ROBO1: variants seen among roughly 807,000 people sequenced by gnomAD.
ROBO1 encodes the protein roundabout guidance receptor 1.
ROBO1 carries 149 observed loss-of-function variants against 195.9 expected under a neutral mutation model. That is an observed-to-expected ratio of 0.76 (90% CI 0.67 to 0.87). ROBO1 has a LOEUF of 0.87. Among genes scored for constraint, ROBO1 ranks in the 40% least tolerant of loss-of-function variants. ROBO1 has a pLI of 0.00. For missense variants in ROBO1, 1,933 were observed against 2,068.3 expected, an observed-to-expected ratio of 0.93 and a Z score of 1.27; for synonymous variants, 816 against 733.2, an observed-to-expected ratio of 1.11 and a Z score of -1.82.
chr3:78,758,230 T>C lies in ROBO1; in HGVS notation c.500-11330A>G, dbSNP rs143503178. Among the ~76,000 whole-genome samples, 539 of 152,300 alleles carry C rather than the reference T, an allele frequency of 3.5e-3. 4 individuals carry two copies. Among genetic ancestry groups the C allele is most frequent in the African/African-American group, 0.012 (510 of 41,578 alleles). ...TAATTGTTTTATGTAATTATAAAAT[T>C]CATTCCTCACTGGGGGCAGTGGCTC... On this transcript the variant is annotated intron_variant, in intron 4 of 30. Coordinates refer to ENST00000464233, the MANE Select transcript of ROBO1 (RefSeq NM_002941.4).
intron 4 of ROBO1, among the ~76,000 whole-genome samples, chr3:78,852,876 A>G (rs982451592): frequency 3.3e-5 from 5 of 152,184 alleles, no homozygotes; most frequent in African/African-American, 4.8e-5. Flanking sequence ...GTAGTGATGT[A>G]TTGTGAGCTA....
At chr3:79,304,694 G>A (rs2033139695) in intron 2 of ROBO1, among the ~76,000 whole-genome samples, 1 of 152,078 alleles carries the variant, frequency 6.6e-6, no homozygotes, top group Non-Finnish European at 1.5e-5. Flanking sequence ...TAATGGCTGA[G>A]TATTACTCCA....
chr3:79,575,766 CAT>C (rs1310329486), intron 2 of ROBO1, among the ~76,000 whole-genome samples: 1 of 151,288 alleles, frequency 6.6e-6, no homozygotes, highest in Non-Finnish European at 1.5e-5. Context: ...AGTGTTTTAA[CAT>C]AGTCATCTTG....
chr3:79,137,166 T>C (rs1410519328), intron 2 of ROBO1, among the ~76,000 whole-genome samples: 1 of 152,082 alleles, frequency 6.6e-6, no homozygotes, highest in East Asian at 1.9e-4. Context: ...TGTGTTTTGG[T>C]AAAATAAACA....
rs1300582433 is a variant in ROBO1 at position 78,711,308 on chromosome 3, T to C, written c.1045+3089A>G. Among the ~76,000 whole-genome samples, 4 of 150,506 alleles carry C rather than the reference T, an allele frequency of 2.7e-5. No individual in the cohort carries two copies. In the East Asian group the frequency reaches 7.9e-4, roughly 30 times the overall value. ...CCCTTTCTTTCTTTCTCTTTCTTTCTTTCTTTCTCTCTCTCTCTCCTTCCT... is the reference window on the plus strand; with the variant it reads ...CCCTTTCTTTCTTTCTCTTTCTTTCCTTCTTTCTCTCTCTCTCTCCTTCCT... On this transcript the variant is annotated intron_variant, in intron 8 of 30. Coordinates refer to ENST00000464233, the MANE Select transcript of ROBO1 (RefSeq NM_002941.4).
chr3:78,883,956 A>C (rs888884236), intron 4 of ROBO1, among the ~76,000 whole-genome samples: 4 of 152,138 alleles, frequency 2.6e-5, no homozygotes, highest in African/African-American at 9.7e-5. Context: ...TGCATGTGCA[A>C]AATCAGAGAG....
chr3:78,601,392 G>GTTCT (rs1388994447), intron 29 of ROBO1, among the ~76,000 whole-genome samples: 1 of 152,104 alleles, frequency 6.6e-6, no homozygotes. Flanking sequence ...ATAGCGTCTT[G>GTTCT]TTCTTTCCAT....
At chr3:79,201,906 T>C (rs540961453) in intron 2 of ROBO1, among the ~76,000 whole-genome samples, 212 of 149,516 alleles carry the variant, frequency 1.4e-3, no homozygotes, top group Non-Finnish European at 2.6e-3. Context: ...TAATATATAA[T>C]TATTATTTAT....
chr3:79,317,649 G>T (rs185054133), intron 2 of ROBO1, among the ~76,000 whole-genome samples: 3 of 151,876 alleles, frequency 2.0e-5, no homozygotes, highest in Non-Finnish European at 4.4e-5. Context: ...ATGTTAGCTG[G>T]ACCTAGATCA....
chr3:78,707,884 G>C (rs186381437), intron 8 of ROBO1, among the ~76,000 whole-genome samples: 33 of 152,264 alleles, frequency 2.2e-4, no homozygotes, highest in Admixed American at 2.2e-3. Flanking sequence ...TGTTGTGAGA[G>C]AGACAAACAA....
chr3:79,721,785 C>T (rs977925414), intron 1 of ROBO1, among the ~76,000 whole-genome samples: 1 of 152,160 alleles, frequency 6.6e-6, no homozygotes, highest in African/African-American at 2.4e-5. Context: ...GGAAGACTAA[C>T]ATGATGAATC....
intron 10 of ROBO1, among the ~76,000 whole-genome samples, chr3:78,680,435 T>G (rs1435425881): frequency 6.6e-6 from 1 of 152,152 alleles, no homozygotes; most frequent in East Asian, 1.9e-4. Flanking sequence ...CCTACTCATC[T>G]GACAAAGGGC....
chr3:79,370,359 TA>T (rs11312565), intron 2 of ROBO1, among the ~76,000 whole-genome samples: 35,574 of 149,770 alleles, frequency 0.24, 5,186 homozygotes, highest in East Asian at 0.38. Context: ...ATGTCTCAAG[TA>T]AAAAAAAAAG....
At chr3:78,829,985 A>G (rs1267309641) in intron 4 of ROBO1, among the ~76,000 whole-genome samples, 1 of 152,178 alleles carries the variant, frequency 6.6e-6, no homozygotes, top group Non-Finnish European at 1.5e-5. Flanking sequence ...ACAGGGTTTT[A>G]CTACCCAATT....
At chr3:78,630,164 A>G (rs896667366) in intron 25 of ROBO1, among the ~76,000 whole-genome samples, 1 of 152,192 alleles carries the variant, frequency 6.6e-6, no homozygotes, top group East Asian at 1.9e-4. Flanking sequence ...TTAAAAACAC[A>G]TACATAAAAC....
At chr3:79,622,934 C>T (rs1371637885) in intron 1 of ROBO1, among the ~76,000 whole-genome samples, 1 of 152,184 alleles carries the variant, frequency 6.6e-6, no homozygotes, top group Non-Finnish European at 1.5e-5. Flanking sequence ...GTTGGTGCTC[C>T]TCAAGGTCAG....
At chr3:79,036,743 G>A (rs1313499781) in intron 3 of ROBO1, among the ~76,000 whole-genome samples, 1 of 152,100 alleles carries the variant, frequency 6.6e-6, no homozygotes, top group Admixed American at 6.5e-5. Context: ...GATATTTTAA[G>A]TTGAAGTCAG....
At chr3:79,707,275 C>A (rs1029314537) in intron 1 of ROBO1, among the ~76,000 whole-genome samples, 1 of 152,102 alleles carries the variant, frequency 6.6e-6, no homozygotes, top group African/African-American at 2.4e-5. Flanking sequence ...TTACCAAATT[C>A]GTGGGCCTAG....
chr3:79,578,210 A>G (rs565295161), intron 2 of ROBO1, among the ~76,000 whole-genome samples: 1 of 152,340 alleles, frequency 6.6e-6, no homozygotes, highest in Non-Finnish European at 1.5e-5. Context: ...GGTATGAAAA[A>G]TGATACATAA....
Sources: gnomAD v4.1 joint callset for allele counts (sites outside exome capture counted in the v4.1 genomes callset) on GRCh38, gnomAD v4.1.1 for gene constraint, MANE v1.5 for transcripts, NCBI Gene and HGNC (gene_info 2026-07-23, HGNC 2026-07-21) for gene names.